Variants in L3MBTL2 observed in about 807,000 individuals in gnomAD.
The protein encoded by L3MBTL2 is lethal(3)malignant brain tumor-like protein 2.
Under a neutral mutation model 86.4 loss-of-function variants are expected in L3MBTL2, and 49 were observed. That is an observed-to-expected ratio of 0.57 (90% CI 0.45 to 0.72). The LOEUF is 0.72. Ranked by LOEUF, L3MBTL2 falls within the 30% of genes least tolerant of loss-of-function variation. The probability of loss-of-function intolerance (pLI) is 0.00; values close to 1 mark genes in which losing one functional copy is unlikely to be tolerated. For synonymous variants in L3MBTL2, 336 were observed against 350.6 expected (o/e 0.96, Z 0.47); for missense variants, 755 against 923.7 (o/e 0.82, Z 2.37).
At chr22:41,221,508 G>A in intron 8 of L3MBTL2, 1 of 552,180 alleles carries the variant, frequency 1.8e-6, no homozygotes, top group Non-Finnish European at 3.3e-6. Flanking sequence ...TGCTCCTACT[G>A]CTCCAGTCAT....
Position 41,230,525 on chromosome 22 carries a change from G to T in L3MBTL2, c.*274G>T. 2.3e-6 allele frequency: 1 copy of T among 440,860 alleles called. No individual in the cohort carries two copies. Among genetic ancestry groups the T allele is most frequent in the Non-Finnish European group, 4.1e-6 (1 of 245,362 alleles). The allele number at this position is 440,860 out of a possible 1,614,324, so 27.3% of individuals were successfully genotyped here. ...ACCTTTTCCAGCCAGAGTTCCCAAA[G>T]CTGGAACGCTAGCTGCCTGCTCTTC... On this transcript the variant is annotated 3_prime_UTR_variant, in exon 17 of 17. Transcript: ENST00000216237.
rs1182293187 is a variant in L3MBTL2, at chr22:41,224,678, C to T, written c.1175-47C>T. The T allele has an allele frequency of 6.8e-7, 1 of 1,465,680 alleles. No individual in the cohort carries two copies. The highest frequency in any genetic ancestry group is 1.1e-5 in the South Asian group (1 of 87,874). 90.8% of individuals were successfully genotyped at this position (1,465,680 alleles called of 1,614,324 possible). ...GCGTGTGGAGATGGCCCAGGAGCCG[C>T]CTCCAACTCCCTTCTCTCCCTCATT... is the stretch of plus-strand genomic sequence containing the variant. On this transcript the variant is annotated intron_variant, in intron 9 of 16. Transcript: ENST00000216237. The surrounding 1 kb of genome is among the most constrained non-coding windows in gnomAD (Gnocchi z 4.9).
rs529024303 is a variant in L3MBTL2, at chr22:41,227,268, C to T, written c.1767C>T (p.Tyr589=). 99 of 1,612,574 alleles carry T rather than the reference C, an allele frequency of 6.1e-5. 1 individual carries two copies. In the South Asian group the frequency reaches 8.5e-4, roughly 14 times the overall value. The change falls in exon 14 of 17, where the codon TAC becomes TAT. Residue 589 remains tyrosine, a synonymous_variant. Coordinates refer to ENST00000216237, the MANE Select transcript of L3MBTL2 (RefSeq NM_031488.5). The surrounding 1 kb of genome is among the most constrained non-coding windows in gnomAD (Gnocchi z 6.0). The stretch of plus-strand genomic sequence containing the variant: ...TGGACTGCGAGTCCCCAGACATCTA[C>T]CCCGTCGGCTGGTGTGAGCTCACCG... ...QWVDCESPDI[Y]PVGWCELTGY... is the part of the protein sequence containing the mutation.
intron 3 of L3MBTL2, among the ~76,000 whole-genome samples, chr22:41,215,127 C>T (rs2031239203): frequency 6.6e-6 from 1 of 152,150 alleles, no homozygotes; most frequent in Non-Finnish European, 1.5e-5. Context: ...TTGAGCACCA[C>T]CGATGTTTAT....
chr22:41,215,789 T>C (rs1158303159), intron 3 of L3MBTL2, among the ~76,000 whole-genome samples: 1 of 152,246 alleles, frequency 6.6e-6, no homozygotes, highest in Non-Finnish European at 1.5e-5. Context: ...CATGAGCGTT[T>C]CTGGGCCCCT....
intron 1 of L3MBTL2, chr22:41,205,863 G>A (rs1237713909): frequency 6.1e-6 from 1 of 163,730 alleles, no homozygotes; most frequent in Non-Finnish European, 1.4e-5. Context: ...GCTTAGAGGT[G>A]GTGCGACACC....
Position 41,224,586 on chromosome 22 carries a change from G to C in L3MBTL2, c.1175-139G>C, listed in dbSNP as rs1393053433. ...ACCTTTCTGTCTGCTACTCTGGGGT[G>C]GGGGGTCCTGAGATACAGAGATACA... On this transcript the variant is annotated intron_variant, in intron 9 of 16. Coordinates refer to ENST00000216237, the MANE Select transcript of L3MBTL2 (RefSeq NM_031488.5). The surrounding 1 kb of genome is among the most constrained non-coding windows in gnomAD (Gnocchi z 4.9). 3 of 660,380 alleles carry C rather than the reference G, an allele frequency of 4.5e-6. No individual in the cohort carries two copies. The East Asian group carries it at 8.1e-5, about 18-fold the overall frequency. The allele number at this position is 660,380 out of a possible 1,614,324, so 40.9% of individuals were successfully genotyped here.
chr22:41,207,236 C>CTTTTTTTTTTTTTTTT (rs753351369), intron 1 of L3MBTL2, among the ~76,000 whole-genome samples: 2 of 120,508 alleles, frequency 1.7e-5, no homozygotes, highest in African/African-American at 6.4e-5. Flanking sequence ...CCCCCAAATC[C>CTTTTTTTTTTTTTTTT]TTTTTTTTTT....
At chr22:41,216,868 G>A (rs931776097) in intron 4 of L3MBTL2, among the ~76,000 whole-genome samples, 3 of 152,294 alleles carry the variant, frequency 2.0e-5, no homozygotes, top group Admixed American at 2.0e-4. Context: ...GAAGAAGGGC[G>A]AGAAATTTCC....
Position 41,225,876 on chromosome 22 carries a change from C to G in L3MBTL2, c.1439C>G (p.Ser480Cys). Residue 480 changes from serine (S) to cysteine (C), a missense_variant, in exon 12 of 17, where the codon TCT becomes TGT. By Grantham distance (112) the Ser-to-Cys change is moderately radical. This residue lies in a region of L3MBTL2 where 634 missense variants were observed against 748.9 expected (regional missense o/e 0.85). Transcript: ENST00000216237. This position sits in a 1 kb window ranked among gnomAD's most constrained non-coding sequence, Gnocchi z 4.1. ...TTGGACTGGTTCTGCTACCATGCCT[C>G]TTCCCACGCCATCTTCCCGGCCACC... The part of the protein sequence containing the change: ...DGLDWFCYHA[S>C]SHAIFPATFC... The G allele has an allele frequency of 6.2e-7, 1 of 1,614,186 alleles. No homozygotes were observed. Among genetic ancestry groups the G allele is most frequent in the East Asian group, 2.2e-5 (1 of 44,884 alleles).
chr22:41,216,069 C>G (rs928714805), intron 3 of L3MBTL2, 70 bp from the exon 4 acceptor site: 1 of 1,523,548 alleles, frequency 6.6e-7, no homozygotes, highest in Non-Finnish European at 8.9e-7. Flanking sequence ...AGGACTTCAA[C>G]TTGGCGGCCC....
At chr22:41,208,845 G>T (rs1307766324) in intron 1 of L3MBTL2, among the ~76,000 whole-genome samples, 1 of 152,094 alleles carries the variant, frequency 6.6e-6, no homozygotes. Context: ...CCGGGTTCAA[G>T]CAATTCTCTG....
intron 2 of L3MBTL2, among the ~76,000 whole-genome samples, chr22:41,210,594 G>T (rs944214476): frequency 1.3e-5 from 2 of 152,234 alleles, no homozygotes; most frequent in Non-Finnish European, 2.9e-5. Context: ...CTCCCAAAGT[G>T]CTGGGATTAC....
chr22:41,213,806 C>A (rs2145578746), intron 2 of L3MBTL2, 87 bp from the exon 3 acceptor site: 1 of 1,450,166 alleles, frequency 6.9e-7, no homozygotes. Flanking sequence ...CTGGTTAATG[C>A]AGTGCCCCAG....
chr22:41,223,909 C>A, intron 8 of L3MBTL2, 111 bp from the exon 9 acceptor site: 1 of 834,208 alleles, frequency 1.2e-6, no homozygotes, highest in Non-Finnish European at 1.9e-6. Context: ...TCCCGACTGA[C>A]TGAGTGTGGG....
At position 41,221,290 on chromosome 22, in the gene L3MBTL2, C is replaced by T. The variant is rs542927445; in HGVS notation, c.942+3C>T. 59 of 1,551,192 alleles carry T rather than the reference C, an allele frequency of 3.8e-5. No homozygotes were observed. Among genetic ancestry groups the T allele is most frequent in the African/African-American group, 2.9e-4 (21 of 73,180 alleles). ...TTCCCGTGGATTTCCACATCAAGGT[C>T]GGCAGTGAGCCCTTAACTGATGTGC... On this transcript the variant is annotated splice_donor_region_variant and intron_variant, in intron 8 of 16. Coordinates refer to ENST00000216237, the MANE Select transcript of L3MBTL2 (RefSeq NM_031488.5).
Position 41,229,668 on chromosome 22 carries a change from C to G in L3MBTL2, c.2005+12C>G. The G allele has an allele frequency of 6.2e-7, 1 of 1,613,124 alleles. No homozygotes were observed. Among genetic ancestry groups the G allele is most frequent in the Non-Finnish European group, 8.5e-7 (1 of 1,180,016 alleles). On this transcript the variant is annotated intron_variant, in intron 16 of 16. Coordinates refer to ENST00000216237, the MANE Select transcript of L3MBTL2 (RefSeq NM_031488.5). The stretch of plus-strand genomic sequence containing the variant: ...TGTTCCTGGCGAGAGTAAGAGCCAC[C>G]GGGCTGGGTCAAGGCAGGACCAGCC...
In L3MBTL2 at chr22:41,224,934, C is replaced by G. The variant is rs780567612; in HGVS notation, c.1252-33C>G. 4.6e-5 allele frequency: 73 copies of G among 1,599,294 alleles called. No individual in the cohort carries two copies. The East Asian group carries it at 1.3e-3, about 28-fold the overall frequency. ...TCCCTCACCCTTCCTCCTGGCCTGC[C>G]CAGGGAGTCCCCAGCTGTCCCATTC... is the stretch of plus-strand genomic sequence containing the variant. On this transcript the variant is annotated intron_variant, in intron 10 of 16. Coordinates refer to ENST00000216237, the MANE Select transcript of L3MBTL2 (RefSeq NM_031488.5). This position sits in a 1 kb window ranked among gnomAD's most constrained non-coding sequence, Gnocchi z 4.9.
At chr22:41,220,552 T>C (rs1260526802) in intron 6 of L3MBTL2, among the ~76,000 whole-genome samples, 182 bp from the exon 7 acceptor site, 1 of 150,256 alleles carries the variant, frequency 6.7e-6, no homozygotes, top group African/African-American at 2.5e-5. Context: ...CAGCCGGGCG[T>C]GGTGGCAGGC....
Sources: gnomAD v4.1 joint callset for allele counts (sites outside exome capture counted in the v4.1 genomes callset) on GRCh38, gnomAD v4.1.1 for gene constraint, gnomAD v4.1.1 regional missense constraint, Gnocchi (gnomAD v3.1) non-coding constraint, MANE v1.5 for transcripts, NCBI Gene and HGNC (gene_info 2026-07-23, HGNC 2026-07-21) for gene names.